Variants in TRANK1 observed in about 807,000 individuals in gnomAD.
TRANK1 encodes the protein TPR and ankyrin repeat-containing protein 1.
TRANK1 carries 198 observed loss-of-function variants against 266.0 expected under a neutral mutation model. The ratio of observed to expected loss-of-function variants is 0.74; its 90% CI spans 0.66 to 0.84. TRANK1 has a LOEUF of 0.84. Among genes scored for constraint, TRANK1 ranks in the 40% least tolerant of loss-of-function variants. TRANK1 has a pLI of 0.00. For synonymous variants in TRANK1, 1,396 were observed against 1,384.1 expected, an observed-to-expected ratio of 1.01 and a Z score of -0.19; for missense variants, 3,326 against 3,634.6, an observed-to-expected ratio of 0.92 and a Z score of 2.18.
intron 15 of TRANK1, among the ~76,000 whole-genome samples, chr3:36,849,817 G>A (rs191807666): frequency 6.6e-6 from 1 of 152,326 alleles, no homozygotes; most frequent in East Asian, 1.9e-4. Context: ...CTTTGGGCCA[G>A]GGAATGCATG....
chr3:36,925,785 C>T (rs2080280106), intron 1 of TRANK1, among the ~76,000 whole-genome samples: 1 of 152,054 alleles, frequency 6.6e-6, no homozygotes, highest in African/African-American at 2.4e-5. Context: ...GGGGTTTCAC[C>T]ATGTTGGCCA....
chr3:36,861,089 T>C lies in TRANK1; in HGVS notation c.1312A>G (p.Lys438Glu), dbSNP rs754199168. Residue 438 changes from lysine to glutamate, a missense_variant, in exon 11 of 24, where the codon AAA (lysine) becomes GAA (glutamate). Coordinates refer to ENST00000645898, the MANE Select transcript of TRANK1 (RefSeq NM_001329998.2). ...AGAAGCACCTCAGGCCATCTCTGTTTTTCCAATAAGAATTTGAAGACGGTG... is the reference window on the plus strand; with the variant it reads ...AGAAGCACCTCAGGCCATCTCTGTTCTTCCAATAAGAATTTGAAGACGGTG... ...ATTVFKFLLE[K>E]QRWPEVLLLL... 1.8e-5 allele frequency: 28 copies of C among 1,537,624 alleles called. No individual in the cohort carries two copies. The highest frequency in any genetic ancestry group is 2.4e-5 in the Non-Finnish European group (27 of 1,146,974).
At chr3:36,900,875 A>AAAAAAAAAAAAAAAAAC (rs1304547155) in intron 3 of TRANK1, among the ~76,000 whole-genome samples, 1 of 147,354 alleles carries the variant, frequency 6.8e-6, no homozygotes, top group Admixed American at 6.8e-5. Flanking sequence ...AAAAAAAAAA[A>AAAAAAAAAAAAAAAAAC]AGATAACAGG....
At chr3:36,925,458 A>G (rs2080274674) in intron 1 of TRANK1, among the ~76,000 whole-genome samples, 1 of 152,216 alleles carries the variant, frequency 6.6e-6, no homozygotes, top group Admixed American at 6.5e-5. Flanking sequence ...TTATGATCCA[A>G]CTAGAATGTA....
chr3:36,889,382 C>T (rs968295768), intron 8 of TRANK1, among the ~76,000 whole-genome samples: 1 of 152,172 alleles, frequency 6.6e-6, no homozygotes, highest in Non-Finnish European at 1.5e-5. Context: ...GCTCATGTGC[C>T]TAGTCTGGCC....
At chr3:36,892,738 G>A (rs950210814) in intron 6 of TRANK1, among the ~76,000 whole-genome samples, 163 bp downstream of exon 6, 6 of 151,874 alleles carry the variant, frequency 4.0e-5, no homozygotes, top group Non-Finnish European at 5.9e-5. Flanking sequence ...GCTGAGGCAG[G>A]GAGAATTGCT....
chr3:36,836,240 G>A (rs1004302238), intron 20 of TRANK1, among the ~76,000 whole-genome samples: 1 of 152,224 alleles, frequency 6.6e-6, no homozygotes, highest in African/African-American at 2.4e-5. Flanking sequence ...CCTGCTCCTG[G>A]CAATACATCT....
chr3:36,853,359 G>A (rs1413814821), intron 13 of TRANK1, among the ~76,000 whole-genome samples: 1 of 152,212 alleles, frequency 6.6e-6, no homozygotes, highest in Admixed American at 6.5e-5. Flanking sequence ...GGTCTAGGTA[G>A]AACGTCATGA....
chr3:36,839,768 C>T (rs764803288), intron 18 of TRANK1, among the ~76,000 whole-genome samples: 12 of 152,192 alleles, frequency 7.9e-5, no homozygotes, highest in Non-Finnish European at 1.3e-4. Context: ...GCCTGTTTTG[C>T]TTACCATCAG....
intron 23 of TRANK1, among the ~76,000 whole-genome samples, chr3:36,828,830 C>G (rs1197113236): frequency 6.6e-6 from 1 of 152,118 alleles, no homozygotes; most frequent in Non-Finnish European, 1.5e-5. Flanking sequence ...AATCCAAGAC[C>G]CCAGAAGGGA....
intron 3 of TRANK1, among the ~76,000 whole-genome samples, chr3:36,900,712 CA>C (rs1193012579): frequency 4.1e-5 from 6 of 146,520 alleles, no homozygotes; most frequent in Admixed American, 6.8e-5. Flanking sequence ...CCTGTCTCTA[CA>C]AAAAAAAAAT....
chr3:36,921,739 A>G (rs1575319751), intron 1 of TRANK1, among the ~76,000 whole-genome samples: 1 of 152,238 alleles, frequency 6.6e-6, no homozygotes, highest in Non-Finnish European at 1.5e-5. Context: ...CTATAATGGT[A>G]GGTGGCCAGG....
At chr3:36,853,591 G>A (rs2079013012) in intron 13 of TRANK1, among the ~76,000 whole-genome samples, 1 of 152,158 alleles carries the variant, frequency 6.6e-6, no homozygotes, top group Non-Finnish European at 1.5e-5. Flanking sequence ...GGGCACAAAA[G>A]TTGCAGTAGA....
At position 36,899,235 on chromosome 3, in the gene TRANK1, AG is replaced by A; in HGVS notation, c.306del (p.Leu103CysfsTer2). ...YVKGYYRAGY[S>X]LLRLHQPYEA... The stretch of plus-strand genomic sequence containing the variant: ...TCGTAAGGCTGGTGCAACCTCAGCA[AG>A]GAATAACCAGCTCGGTAGTATCCCT... On this transcript the variant is annotated frameshift_variant, in exon 4 of 24. Coordinates refer to ENST00000645898, the MANE Select transcript of TRANK1 (RefSeq NM_001329998.2). LOFTEE classifies it high-confidence loss of function. 1 of 1,537,334 alleles carries A rather than the reference AG, an allele frequency of 6.5e-7. No homozygotes were observed. Among genetic ancestry groups the A allele is most frequent in the African/African-American group, 1.4e-5 (1 of 73,188 alleles).
At chr3:36,863,989 T>C (rs867311004) in intron 10 of TRANK1, among the ~76,000 whole-genome samples, 15 of 152,372 alleles carry the variant, frequency 9.8e-5, no homozygotes, top group Admixed American at 4.6e-4. Context: ...CATTCAATTC[T>C]ACAATAACTT....
intron 4 of TRANK1, among the ~76,000 whole-genome samples, chr3:36,897,089 G>A (rs1015030369): frequency 9.2e-5 from 14 of 152,156 alleles, no homozygotes; most frequent in African/African-American, 3.1e-4. Context: ...ATCACCTGAG[G>A]TTAGGAGTTC....
chr3:36,846,448 T>C (rs779033680), intron 16 of TRANK1, 44 bp from the exon 17 acceptor site: 18 of 1,579,866 alleles, frequency 1.1e-5, no homozygotes, highest in African/African-American at 5.5e-5. Flanking sequence ...CATTTGTCTA[T>C]AGCTACAAAG....
chr3:36,930,118 C>A (rs1559479585), intron 1 of TRANK1, among the ~76,000 whole-genome samples: 1 of 152,192 alleles, frequency 6.6e-6, no homozygotes, highest in African/African-American at 2.4e-5. Flanking sequence ...AGGTGATCCA[C>A]CTGCCTCTGC....
chr3:36,838,856 G>T, intron 18 of TRANK1, 140 bp from the exon 19 acceptor site: 2 of 796,176 alleles, frequency 2.5e-6, no homozygotes, highest in Non-Finnish European at 4.0e-6. Context: ...GGAGCAGGAA[G>T]GTGCAGATAT....
Sources: allele counts gnomAD v4.1 joint callset (sites outside exome capture counted in the v4.1 genomes callset), GRCh38; gene constraint gnomAD v4.1.1; transcripts MANE v1.5; gene names NCBI Gene and HGNC (gene_info 2026-07-23, HGNC 2026-07-21).